Variants in SLC9C1 observed in about 807,000 individuals in gnomAD.
SLC9C1 encodes sodium/hydrogen exchanger 10.
In SLC9C1, 97 loss-of-function variants were observed where a neutral mutation model predicts 140.9. The observed-to-expected ratio is 0.69, with a 90% CI of 0.58 to 0.82. The LOEUF (loss-of-function observed/expected upper bound fraction) is 0.82, where lower values mean the gene tolerates loss of function less well. SLC9C1 is among the 40% of genes least tolerant of loss of function. The probability of loss-of-function intolerance (pLI) is 0.00; values close to 1 mark genes in which losing one functional copy is unlikely to be tolerated. For synonymous variants in SLC9C1, 440 were observed against 442.6 expected (o/e 0.99, Z 0.07); for missense variants, 1,340 against 1,389.3 (o/e 0.96, Z 0.56).
chr3:112,235,688 C>A (rs113415750), intron 12 of SLC9C1, among the ~76,000 whole-genome samples: 76 of 152,230 alleles, frequency 5.0e-4, no homozygotes, highest in African/African-American at 1.6e-3. Context: ...AGGGCTGTTG[C>A]ATTTTGTCAA....
chr3:112,246,193 C>T (rs1186691937), intron 10 of SLC9C1, among the ~76,000 whole-genome samples: 1 of 152,136 alleles, frequency 6.6e-6, no homozygotes, highest in Non-Finnish European at 1.5e-5. Context: ...CAGCATCAGC[C>T]TCTGGCTTGT....
At chr3:112,155,122 CAGATT>C (rs969632910) in intron 26 of SLC9C1, 73 bp from the exon 27 acceptor site, 1 of 1,234,522 alleles carries the variant, frequency 8.1e-7, no homozygotes, top group Non-Finnish European at 1.1e-6. Context: ...GTCCAACTAT[CAGATT>C]AGATCAGATT....
Position 112,277,837 on chromosome 3 carries a change from G to A in SLC9C1, c.342C>T (p.Gly114=), listed in dbSNP as rs772821410. The change falls in exon 5 of 29, where the codon GGC becomes GGT. Residue 114 remains glycine, a synonymous_variant. Coordinates refer to ENST00000305815, the MANE Select transcript of SLC9C1 (RefSeq NM_183061.3). ...FWQILLISIP[G]FLVNYILVLW... ...GAACTAAGATATAATTAACCAAAAAGCCGGGAATTGAAATTAAAAGTATCT... is the reference window on the plus strand; with the variant it reads ...GAACTAAGATATAATTAACCAAAAAACCGGGAATTGAAATTAAAAGTATCT... 1 of 1,597,692 alleles carries A rather than the reference G, an allele frequency of 6.3e-7. No individual in the cohort carries two copies. The highest frequency in any genetic ancestry group is 1.4e-5 in the African/African-American group (1 of 73,718).
At chr3:112,153,741 A>T (rs1192998567) in intron 27 of SLC9C1, among the ~76,000 whole-genome samples, 1 of 152,166 alleles carries the variant, frequency 6.6e-6, no homozygotes, top group East Asian at 1.9e-4. Flanking sequence ...AGGTTAAAAA[A>T]TTTGCCGAAG....
chr3:112,290,755 T>C (rs576713254), intron 1 of SLC9C1, among the ~76,000 whole-genome samples: 3 of 152,250 alleles, frequency 2.0e-5, no homozygotes, highest in East Asian at 3.9e-4. Flanking sequence ...TGGATATATA[T>C]TTAGTTAGGT....
At chr3:112,197,370 T>G (rs970083746) in intron 20 of SLC9C1, among the ~76,000 whole-genome samples, 64 of 152,164 alleles carry the variant, frequency 4.2e-4, no homozygotes, top group African/African-American at 1.5e-3. Flanking sequence ...TCCACCTCTT[T>G]GCCTTCTCTG....
At position 112,207,711 on chromosome 3, in the gene SLC9C1, T is replaced by G. The variant is rs534778941; in HGVS notation, c.1986+467A>C. Among the ~76,000 whole-genome samples the G allele has an allele frequency of 5.3e-5, 8 of 152,262 alleles. No individual in the cohort carries two copies. The South Asian group carries it at 1.0e-3, about 20-fold the overall frequency. On this transcript the variant is annotated intron_variant, in intron 16 of 28. Coordinates refer to ENST00000305815, the MANE Select transcript of SLC9C1 (RefSeq NM_183061.3). Reference sequence around the variant, plus strand: ...TTTGTCTCCTAGACATTATTAAAAATTCAACTCAAGTATTGCTTTCCCTTG... The same window carrying G: ...TTTGTCTCCTAGACATTATTAAAAAGTCAACTCAAGTATTGCTTTCCCTTG...
intron 13 of SLC9C1, among the ~76,000 whole-genome samples, chr3:112,227,781 CTA>C (rs1240824137): frequency 2.6e-5 from 4 of 151,994 alleles, no homozygotes; most frequent in East Asian, 1.9e-4. Flanking sequence ...TAACAGCTAA[CTA>C]TGTGAAAAGA....
At chr3:112,220,307 C>G (rs960248282) in intron 14 of SLC9C1, among the ~76,000 whole-genome samples, 1 of 152,176 alleles carries the variant, frequency 6.6e-6, no homozygotes, top group Non-Finnish European at 1.5e-5. Context: ...TTTCTAACAT[C>G]TAACTTTATC....
intron 22 of SLC9C1, among the ~76,000 whole-genome samples, chr3:112,180,233 A>T (rs6801795): frequency 0.77 from 116,471 of 152,190 alleles, 44,935 homozygotes; most frequent in East Asian, 0.99. Flanking sequence ...TATAAATAAC[A>T]CTGCCTGGTC....
chr3:112,184,844 T>C (rs993857598), intron 20 of SLC9C1, among the ~76,000 whole-genome samples: 2 of 152,068 alleles, frequency 1.3e-5, no homozygotes, highest in African/African-American at 2.4e-5. Context: ...GTATAGTGAC[T>C]GGGTCCCTAA....
intron 6 of SLC9C1, among the ~76,000 whole-genome samples, chr3:112,270,306 G>A (rs991457113): frequency 6.6e-6 from 1 of 152,126 alleles, no homozygotes; most frequent in Admixed American, 6.5e-5. Flanking sequence ...TTAGTTTTTT[G>A]AGGAACTTCC....
rs2074981823 is a variant in SLC9C1, at chr3:112,151,566, A to T, written c.3524+291T>A. 12 of 528,274 alleles carry T rather than the reference A, an allele frequency of 2.3e-5. 1 individual carries two copies. The highest frequency in any genetic ancestry group is 1.7e-4 in the South Asian group (12 of 69,828). The allele number at this position is 528,274 out of a possible 1,614,324, so 32.7% of individuals were successfully genotyped here. A position where few individuals can be genotyped will look rare whatever the true frequency, so the allele number is the denominator to read the frequency against. ...TCCAACAGTACATGGTAGCCTGAAA[A>T]ATAACCTGCTAAATTGAGAGCAGCC... is the stretch of plus-strand genomic sequence containing the variant. On this transcript the variant is annotated intron_variant, in intron 28 of 28. Coordinates refer to ENST00000305815, the MANE Select transcript of SLC9C1 (RefSeq NM_183061.3).
chr3:112,260,652 G>T (rs952741488), intron 10 of SLC9C1, among the ~76,000 whole-genome samples: 1 of 152,024 alleles, frequency 6.6e-6, no homozygotes, highest in African/African-American at 2.4e-5. Context: ...CTTCAAATGG[G>T]TCTAAAATAC....
At position 112,235,277 on chromosome 3, in the gene SLC9C1, T is replaced by A. The variant is rs1166254137; in HGVS notation, c.1447-3791A>T. The stretch of plus-strand genomic sequence containing the variant: ...CACTCATGATTTGGCCCTCTGTTTG[T>A]TTGTTATTGGTGTATAAGAATGCTT... On this transcript the variant is annotated intron_variant, in intron 12 of 28. Coordinates refer to ENST00000305815, the MANE Select transcript of SLC9C1 (RefSeq NM_183061.3). Among the ~76,000 whole-genome samples the A allele has an allele frequency of 8.9e-4, 109 of 122,706 alleles. 3 individuals carry two copies. The highest frequency in any genetic ancestry group is 1.6e-3 in the Non-Finnish European group (91 of 57,340). The allele number at this position is 122,706 out of a possible 152,430, so 80.5% of individuals were successfully genotyped here. A position where few individuals can be genotyped will look rare whatever the true frequency, so the allele number is the denominator to read the frequency against.
intron 26 of SLC9C1, among the ~76,000 whole-genome samples, chr3:112,166,422 G>A (rs556809489): frequency 2.0e-5 from 3 of 152,142 alleles, no homozygotes; most frequent in Non-Finnish European, 2.9e-5. Flanking sequence ...TGCATCCTTC[G>A]AGCTGGAGAG....
chr3:112,202,931 T>G (rs1167482000), intron 17 of SLC9C1, among the ~76,000 whole-genome samples: 1 of 151,792 alleles, frequency 6.6e-6, no homozygotes, highest in Non-Finnish European at 1.5e-5. Context: ...TTCTGCAGAG[T>G]TCATTGATCC....
rs374437338 is a variant in SLC9C1, at chr3:112,275,027, T to C, written c.485-2A>G. On this transcript the variant is annotated splice_acceptor_variant, in intron 5 of 28. Coordinates refer to ENST00000305815, the MANE Select transcript of SLC9C1 (RefSeq NM_183061.3). LOFTEE classifies it high-confidence loss of function. ...AACTGATGAGGCTTCTAGAAAGCCC[T>C]ACATATGTTGAGGGGGAAAGATGTT... 1.9e-5 allele frequency: 29 copies of C among 1,556,690 alleles called. No homozygotes were observed. Among genetic ancestry groups the C allele is most frequent in the Non-Finnish European group, 2.5e-5 (29 of 1,162,364 alleles).
At chr3:112,162,045 G>T (rs147372959) in intron 26 of SLC9C1, among the ~76,000 whole-genome samples, 141 of 152,308 alleles carry the variant, frequency 9.3e-4, no homozygotes, top group Admixed American at 1.7e-3. Flanking sequence ...GTGAATGGCA[G>T]TTCACTCATG....
Sources: gnomAD v4.1 joint callset for allele counts (sites outside exome capture counted in the v4.1 genomes callset) on GRCh38, gnomAD v4.1.1 for gene constraint, MANE v1.5 for transcripts, NCBI Gene and HGNC (gene_info 2026-07-23, HGNC 2026-07-21) for gene names.